The following RCC1 variants were observed in gnomAD, a reference collection of about 807,000 sequenced individuals.
The protein encoded by RCC1 is regulator of chromosome condensation 1.
In RCC1, 11 loss-of-function variants were observed where a neutral mutation model predicts 44.4. The ratio of observed to expected loss-of-function variants is 0.25; its 90% CI spans 0.16 to 0.41. The LOEUF (loss-of-function observed/expected upper bound fraction) is 0.41, where lower values mean the gene tolerates loss of function less well. Among genes scored for constraint, RCC1 ranks in the 10% least tolerant of loss-of-function variants. RCC1 has a pLI of 1.00. For synonymous variants in RCC1, 213 were observed against 216.5 expected, an observed-to-expected ratio of 0.98 and a Z score of 0.14; for missense variants, 386 against 547.1, an observed-to-expected ratio of 0.71 and a Z score of 2.94.
rs1480860215 is a variant in RCC1, at chr1:28,536,668, G to A, written c.938-79G>A. On this transcript the variant is annotated intron_variant, in intron 11 of 12. Coordinates refer to ENST00000683442, the MANE Select transcript of RCC1 (RefSeq NM_001381865.2). The surrounding 1 kb of genome is among the most constrained non-coding windows in gnomAD (Gnocchi z 4.9). Reference sequence around the variant, plus strand: ...AGCAGGGACACACTCCCATGGACAGGTGGACTCACCTAGCCTGCCACCCAT... The same window carrying A: ...AGCAGGGACACACTCCCATGGACAGATGGACTCACCTAGCCTGCCACCCAT... 6.6e-7 allele frequency: 1 copy of A among 1,526,298 alleles called. No individual in the cohort carries two copies. Among genetic ancestry groups the A allele is most frequent in the Non-Finnish European group, 9.0e-7 (1 of 1,116,058 alleles). 94.5% of individuals were successfully genotyped at this position (1,526,298 alleles called of 1,614,324 possible). A position where few individuals can be genotyped will look rare whatever the true frequency, so the allele number is the denominator to read the frequency against.
chr1:28,532,029 G>C (rs748138482), intron 6 of RCC1, 39 bp downstream of exon 6: 7 of 1,556,126 alleles, frequency 4.5e-6, no homozygotes, highest in African/African-American at 4.1e-5. Context: ...GACAAGGCCT[G>C]GGGTTGGGTG....
At chr1:28,521,241 C>A (rs533027932) in intron 4 of RCC1, among the ~76,000 whole-genome samples, 1 of 151,680 alleles carries the variant, frequency 6.6e-6, no homozygotes, top group African/African-American at 2.4e-5. Context: ...GTGGCTCACG[C>A]CTGTAATCCC....
intron 1 of RCC1, chr1:28,506,670 C>A (rs1455084153): frequency 5.9e-6 from 1 of 168,340 alleles, no homozygotes; most frequent in African/African-American, 2.4e-5. Flanking sequence ...CTTACTGCCT[C>A]ATAGTAGGCA....
At chr1:28,525,235 C>T (rs529400279) in intron 4 of RCC1, among the ~76,000 whole-genome samples, 47 of 152,124 alleles carry the variant, frequency 3.1e-4, no homozygotes, top group Non-Finnish European at 4.7e-4. Context: ...ATAACATAAC[C>T]GGTTAGGTCA....
At chr1:28,526,535 C>G (rs1020136665) in intron 4 of RCC1, 1 of 573,320 alleles carries the variant, frequency 1.7e-6, no homozygotes, top group Non-Finnish European at 3.3e-6. Flanking sequence ...CTTCAAAGTT[C>G]ACATCGTGAA....
chr1:28,535,806 C>T (rs1664511571), intron 9 of RCC1, 65 bp from the exon 10 acceptor site: 2 of 1,547,908 alleles, frequency 1.3e-6, no homozygotes, highest in Admixed American at 1.8e-5. Context: ...GAGAATTAAA[C>T]TCGGGGCAGA....
chr1:28,535,798 G>T, intron 9 of RCC1, 73 bp from the exon 10 acceptor site: 1 of 1,519,662 alleles, frequency 6.6e-7, no homozygotes, highest in Admixed American at 1.8e-5. Context: ...TAATGGAGGA[G>T]AATTAAACTC....
At position 28,529,913 on chromosome 1, in the gene RCC1, C is replaced by T. The variant is rs748955715; in HGVS notation, c.47C>T (p.Ala16Val). ...AAAAGAAGGTCCCCCCCAGCAGATGCCATCCCCAAAAGCAAGAAGGTGAAG... is the reference window on the plus strand; with the variant it reads ...AAAAGAAGGTCCCCCCCAGCAGATGTCATCCCCAAAAGCAAGAAGGTGAAG... Reference protein sequence around the residue: ...IAKRRSPPADAIPKSKKVKVS... With the variant: ...IAKRRSPPADVIPKSKKVKVS... The change falls in exon 5 of 13, where the codon GCC (alanine) becomes GTC (valine). Residue 16 changes from alanine to valine, a missense_variant. Ala to Val is a moderately conservative substitution (Grantham distance 64). Transcript: ENST00000683442. 1 of 1,613,976 alleles carries T rather than the reference C, an allele frequency of 6.2e-7. No individual in the cohort carries two copies. The highest frequency in any genetic ancestry group is 8.5e-7 in the Non-Finnish European group (1 of 1,179,950).
At chr1:28,530,235 C>A (rs958799372) in intron 5 of RCC1, among the ~76,000 whole-genome samples, 3 of 152,092 alleles carry the variant, frequency 2.0e-5, no homozygotes, top group Non-Finnish European at 4.4e-5. Flanking sequence ...CACTGACTTT[C>A]CGACATGGGT....
intron 7 of RCC1, among the ~76,000 whole-genome samples, chr1:28,534,000 C>G (rs1664381742): frequency 6.7e-6 from 1 of 150,144 alleles, no homozygotes; most frequent in African/African-American, 2.4e-5. Context: ...TCCTCAGCCT[C>G]CCGAGTAGCT....
intron 7 of RCC1, 104 bp downstream of exon 7, chr1:28,532,454 G>GCTTTCATCTCCCCACCA: frequency 7.8e-7 from 1 of 1,282,994 alleles, no homozygotes; most frequent in Non-Finnish European, 1.1e-6. Flanking sequence ...TTACTGGTGG[G>GCTTTCATCTCCCCACCA]GAGATGAAAG....
At chr1:28,531,296 ACT>A (rs1285894360) in intron 5 of RCC1, among the ~76,000 whole-genome samples, 1 of 129,224 alleles carries the variant, frequency 7.7e-6, no homozygotes, top group Non-Finnish European at 1.6e-5. Context: ...ATCAAGTATC[ACT>A]CTGTCGCCCA....
chr1:28,507,140 T>C (rs1662017981), intron 1 of RCC1: 1 of 272,286 alleles, frequency 3.7e-6, no homozygotes. Context: ...GGCCTAATTG[T>C]TGTCTTTGCT....
chr1:28,537,190 T>G (rs1664606994), intron 12 of RCC1, among the ~76,000 whole-genome samples: 1 of 152,254 alleles, frequency 6.6e-6, no homozygotes, highest in Admixed American at 6.5e-5. Flanking sequence ...GTCTCCAGAC[T>G]CCTAACCCAG....
At chr1:28,522,337 G>A (rs1477470382) in intron 4 of RCC1, among the ~76,000 whole-genome samples, 2 of 152,174 alleles carry the variant, frequency 1.3e-5, no homozygotes, top group Non-Finnish European at 2.9e-5. Flanking sequence ...AGGAGATTGT[G>A]TGGGAAGAGA....
intron 7 of RCC1, among the ~76,000 whole-genome samples, chr1:28,533,094 G>A (rs1231268495): frequency 6.6e-6 from 1 of 152,076 alleles, no homozygotes; most frequent in Non-Finnish European, 1.5e-5. Context: ...GATTACAGGC[G>A]TGGGCCACCA....
Position 28,529,855 on chromosome 1 carries a change from C to A in RCC1, c.-9-3C>A. On this transcript the variant is annotated splice_polypyrimidine_tract_variant and splice_region_variant and intron_variant, in intron 4 of 12. Coordinates refer to ENST00000683442, the MANE Select transcript of RCC1 (RefSeq NM_001381865.2). ...TCATATGTAGTATTTGACTGACTTT[C>A]AGGACAGGAAGATGTCACCCAAGCG... is the stretch of plus-strand genomic sequence containing the variant. 1 of 1,613,324 alleles carries A rather than the reference C, an allele frequency of 6.2e-7. No homozygotes were observed. The highest frequency in any genetic ancestry group is 8.5e-7 in the Non-Finnish European group (1 of 1,179,338).
intron 7 of RCC1, 57 bp downstream of exon 7, chr1:28,532,407 G>C: frequency 6.3e-7 from 1 of 1,586,564 alleles, no homozygotes; most frequent in Non-Finnish European, 8.6e-7. Context: ...AATTGGCGGG[G>C]CCCCAAAGAT....
At chr1:28,524,491 C>T (rs150027012) in intron 4 of RCC1, among the ~76,000 whole-genome samples, 3 of 151,938 alleles carry the variant, frequency 2.0e-5, no homozygotes, top group East Asian at 1.9e-4. Context: ...TCCATGAGTT[C>T]GAGGCTGCAA....
Sources: allele counts gnomAD v4.1 joint callset (sites outside exome capture counted in the v4.1 genomes callset), GRCh38; gene constraint gnomAD v4.1.1; non-coding constraint Gnocchi (gnomAD v3.1); transcripts MANE v1.5; gene names NCBI Gene and HGNC (gene_info 2026-07-23, HGNC 2026-07-21).